The following SPINK8 variants were observed in gnomAD, a reference collection of about 807,000 sequenced individuals.
SPINK8 encodes the protein serine peptidase inhibitor Kazal type 8 (putative).
SPINK8 carries 12 observed loss-of-function variants against 14.4 expected under a neutral mutation model. The ratio of observed to expected loss-of-function variants is 0.83; its 90% confidence interval spans 0.53 to 1.35. The LOEUF is 1.35. Ranked by LOEUF, SPINK8 falls within the 40% of genes most tolerant of loss-of-function variation. SPINK8 has a pLI of 0.00. For missense variants in SPINK8, 103 were observed against 117.0 expected, an observed-to-expected ratio of 0.88 and a Z score of 0.55; for synonymous variants, 32 against 37.6, an observed-to-expected ratio of 0.85 and a Z score of 0.55.
At chr3:48,324,310 T>C (rs1018525240) in intron 4 of SPINK8, among the ~76,000 whole-genome samples, 2 of 152,344 alleles carry the variant, frequency 1.3e-5, no homozygotes, top group South Asian at 2.1e-4. Context: ...TGTATAGATA[T>C]ACAAATGATT....
At chr3:48,319,695 G>T in intron 5 of SPINK8, 77 bp from the exon 6 acceptor site, 1 of 1,584,716 alleles carries the variant, frequency 6.3e-7, no homozygotes. Context: ...TAGCTTGGGA[G>T]GTGGATGGAA....
chr3:48,325,591 A>AT (rs34299222), intron 4 of SPINK8, among the ~76,000 whole-genome samples: 3,953 of 132,036 alleles, frequency 0.03, 102 homozygotes, highest in African/African-American at 0.06. Context: ...TGCCTGGCTA[A>AT]TTTTTTTTTT....
chr3:48,309,283 G>A (rs1428967222), intron 7 of SPINK8, among the ~76,000 whole-genome samples: 1 of 152,174 alleles, frequency 6.6e-6, no homozygotes, highest in Non-Finnish European at 1.5e-5. Context: ...GGCTTCAGCT[G>A]AGTTCTTGCT....
chr3:48,326,011 C>T (rs2036136031), intron 4 of SPINK8, among the ~76,000 whole-genome samples: 1 of 151,484 alleles, frequency 6.6e-6, no homozygotes, highest in Non-Finnish European at 1.5e-5. Flanking sequence ...GATGGAGCCT[C>T]AGTCTCACAA....
chr3:48,307,068 T>C, intron 7 of SPINK8, 65 bp from the exon 8 acceptor site: 1 of 1,490,428 alleles, frequency 6.7e-7, no homozygotes, highest in Non-Finnish European at 9.3e-7. Context: ...GCCACCACAC[T>C]GGTAAACACA....
At chr3:48,332,697 A>G (rs2107119458) in intron 1 of SPINK8, among the ~76,000 whole-genome samples, 1 of 152,294 alleles carries the variant, frequency 6.6e-6, no homozygotes, top group African/African-American at 2.4e-5. Context: ...AGAGATTGCC[A>G]AACTCTTGGG....
intron 6 of SPINK8, among the ~76,000 whole-genome samples, chr3:48,318,470 A>G (rs940128313): frequency 1.3e-5 from 2 of 152,152 alleles, no homozygotes; most frequent in Non-Finnish European, 2.9e-5. Flanking sequence ...ACTGAAAGGG[A>G]GCTCTTTAGA....
chr3:48,320,660 C>T (rs538924753), intron 5 of SPINK8, among the ~76,000 whole-genome samples: 2 of 152,194 alleles, frequency 1.3e-5, no homozygotes, highest in South Asian at 2.1e-4. Context: ...GAGGAAATAC[C>T]TCATAGGGCC....
chr3:48,309,985 GGT>G (rs1272057424), intron 6 of SPINK8, 39 bp from the exon 7 acceptor site: 1 of 1,367,576 alleles, frequency 7.3e-7, no homozygotes, highest in Non-Finnish European at 9.5e-7. Context: ...TTTGCTGTAT[GGT>G]ATATCATAAA....
intron 7 of SPINK8, among the ~76,000 whole-genome samples, chr3:48,307,629 T>C (rs2035867917): frequency 6.8e-6 from 1 of 147,360 alleles, no homozygotes; most frequent in Non-Finnish European, 1.5e-5. Context: ...CAATAGCTCA[T>C]TGTAGTTCAT....
chr3:48,332,939 G>A (rs1421661787), intron 1 of SPINK8, among the ~76,000 whole-genome samples: 1 of 152,004 alleles, frequency 6.6e-6, no homozygotes, highest in Non-Finnish European at 1.5e-5. Flanking sequence ...CTTCAAGGGG[G>A]CATAATCTGG....
At chr3:48,316,714 A>C (rs1038268242) in intron 6 of SPINK8, among the ~76,000 whole-genome samples, 10 of 152,206 alleles carry the variant, frequency 6.6e-5, no homozygotes, top group Non-Finnish European at 4.4e-5. Flanking sequence ...TCGAGGCTGC[A>C]GTGAGCCACA....
At chr3:48,308,034 C>T (rs547979393) in intron 7 of SPINK8, among the ~76,000 whole-genome samples, 24 of 126,620 alleles carry the variant, frequency 1.9e-4, no homozygotes, top group African/African-American at 7.4e-4. Flanking sequence ...AGTGCAGTGG[C>T]GTGATCTTGG....
intron 6 of SPINK8, among the ~76,000 whole-genome samples, chr3:48,313,001 A>C (rs1185692666): frequency 6.6e-6 from 1 of 152,130 alleles, no homozygotes; most frequent in East Asian, 1.9e-4. Flanking sequence ...TGTCTCAAAA[A>C]AAAAAAAAGA....
At chr3:48,326,479 T>C (rs1461840342) in intron 4 of SPINK8, among the ~76,000 whole-genome samples, 1 of 152,090 alleles carries the variant, frequency 6.6e-6, no homozygotes, top group African/African-American at 2.4e-5. Context: ...TGATGGCAGA[T>C]GCCTGTAATC....
intron 4 of SPINK8, among the ~76,000 whole-genome samples, chr3:48,326,794 C>G (rs2036152409): frequency 6.6e-6 from 1 of 151,884 alleles, no homozygotes; most frequent in Non-Finnish European, 1.5e-5. Flanking sequence ...GCATATAGTT[C>G]CAGCCACTTT....
At chr3:48,313,109 G>GT (rs886445591) in intron 6 of SPINK8, among the ~76,000 whole-genome samples, 1 of 151,862 alleles carries the variant, frequency 6.6e-6, no homozygotes, top group African/African-American at 2.4e-5. Context: ...AATAGCAAAC[G>GT]TAAGAACAAC....
chr3:48,319,926 G>A (rs1215904520), intron 5 of SPINK8, among the ~76,000 whole-genome samples: 14 of 150,876 alleles, frequency 9.3e-5, no homozygotes, highest in African/African-American at 2.2e-4. Context: ...GGTGGATCAC[G>A]AGGTCAGGAG....
At chr3:48,313,206 T>C (rs1313758165) in intron 6 of SPINK8, among the ~76,000 whole-genome samples, 1 of 152,140 alleles carries the variant, frequency 6.6e-6, no homozygotes, top group African/African-American at 2.4e-5. Flanking sequence ...AGGCAACCTA[T>C]AGAATCGGGG....
Sources: gnomAD v4.1 joint callset for allele counts (sites outside exome capture counted in the v4.1 genomes callset) on GRCh38, gnomAD v4.1.1 for gene constraint, MANE v1.5 for transcripts, NCBI Gene and HGNC (gene_info 2026-07-23, HGNC 2026-07-21) for gene names.